PDZRN4: variants seen among roughly 807,000 people sequenced by gnomAD.
PDZRN4 encodes PDZ domain-containing RING finger protein 4.
In PDZRN4, 70 loss-of-function variants were observed where a neutral mutation model predicts 99.0. That is an observed-to-expected ratio of 0.71 (90% CI 0.58 to 0.86). The LOEUF is 0.86. PDZRN4 is among the 40% of genes least tolerant of loss of function. PDZRN4 has a pLI of 0.00. For missense variants in PDZRN4, 1,474 were observed against 1,331.2 expected (o/e 1.11, Z -1.67); for synonymous variants, 551 against 501.6 (o/e 1.10, Z -1.32).
At chr12:41,422,736 G>A (rs1005541209) in intron 3 of PDZRN4, among the ~76,000 whole-genome samples, 1 of 152,030 alleles carries the variant, frequency 6.6e-6, no homozygotes, top group South Asian at 2.1e-4. Flanking sequence ...CGACATGTGG[G>A]GATTGTAATT....
At chr12:41,195,139 T>G (rs1950762951) in intron 3 of PDZRN4, among the ~76,000 whole-genome samples, 1 of 152,228 alleles carries the variant, frequency 6.6e-6, no homozygotes, top group Non-Finnish European at 1.5e-5. Flanking sequence ...TAATGAAATT[T>G]TATGTCCCTG....
chr12:41,252,332 C>T (rs1951176358), intron 3 of PDZRN4, among the ~76,000 whole-genome samples: 1 of 152,092 alleles, frequency 6.6e-6, no homozygotes, highest in Admixed American at 6.5e-5. Context: ...GGTAAATGTT[C>T]ATACAATGAA....
At chr12:41,407,936 T>C (rs1434527380) in intron 3 of PDZRN4, among the ~76,000 whole-genome samples, 7 of 152,236 alleles carry the variant, frequency 4.6e-5, no homozygotes, top group Non-Finnish European at 1.0e-4. Context: ...TACCTGGATG[T>C]TATGTACAGA....
At chr12:41,520,501 C>T (rs1299918554) in intron 5 of PDZRN4, among the ~76,000 whole-genome samples, 41 of 152,070 alleles carry the variant, frequency 2.7e-4, no homozygotes, top group Admixed American at 2.7e-3. Flanking sequence ...ATATACCTCT[C>T]ACTTTTTCAG....
At position 41,490,151 on chromosome 12, in the gene PDZRN4, T is replaced by G. The variant is rs180680305; in HGVS notation, c.844-16305T>G. The stretch of plus-strand genomic sequence containing the variant: ...GTGAGCAGTGAAATAAATATTGGAG[T>G]GATAATTAACATATAAATTGCCAGA... On this transcript the variant is annotated intron_variant, in intron 3 of 9. Coordinates refer to ENST00000402685, the MANE Select transcript of PDZRN4 (RefSeq NM_001164595.2). Among the ~76,000 whole-genome samples, 187 of 152,230 alleles carry G rather than the reference T, an allele frequency of 1.2e-3. 2 individuals are homozygous for G. Among genetic ancestry groups the G allele is most frequent in the Admixed American group, 0.012 (185 of 15,274 alleles).
intron 3 of PDZRN4, among the ~76,000 whole-genome samples, chr12:41,455,962 C>G (rs1042123551): frequency 6.6e-6 from 1 of 152,192 alleles, no homozygotes; most frequent in African/African-American, 2.4e-5. Flanking sequence ...ATCCAAGTTG[C>G]CAAATTCTAA....
chr12:41,406,999 C>T (rs1251412642), intron 3 of PDZRN4, among the ~76,000 whole-genome samples: 2 of 152,030 alleles, frequency 1.3e-5, no homozygotes, highest in Non-Finnish European at 2.9e-5. Context: ...AGAAATGCTA[C>T]AACCTTTAGG....
chr12:41,225,053 A>C (rs1950983797), intron 3 of PDZRN4, among the ~76,000 whole-genome samples: 2 of 152,192 alleles, frequency 1.3e-5, no homozygotes, highest in Non-Finnish European at 2.9e-5. Context: ...TGATCATTAT[A>C]ACTATATACA....
chr12:41,343,229 C>G (rs1609058), intron 3 of PDZRN4, among the ~76,000 whole-genome samples: 54,499 of 151,492 alleles, frequency 0.36, 9,893 homozygotes, highest in South Asian at 0.41. Context: ...CTGGTTTGTG[C>G]ACATAAAGAT....
At chr12:41,445,512 T>A (rs1952718168) in intron 3 of PDZRN4, among the ~76,000 whole-genome samples, 1 of 152,132 alleles carries the variant, frequency 6.6e-6, no homozygotes, top group South Asian at 2.1e-4. Context: ...TTTATATAAG[T>A]AGATTTTCAT....
chr12:41,563,627 T>C lies in PDZRN4; in HGVS notation c.1445T>C (p.Leu482Pro). Reference protein sequence around the residue: ...SNDECKRIVLLVARPEIQLDE... With the variant: ...SNDECKRIVLPVARPEIQLDE... ...GATGAGTGTAAGAGAATCGTGCTGC[T>C]TGTTGCAAGGCCAGAGATTCAGGTC... The change falls in exon 8 of 10, where the codon CTT becomes CCT. Residue 482 changes from leucine to proline, a missense_variant. Coordinates refer to ENST00000402685, the MANE Select transcript of PDZRN4 (RefSeq NM_001164595.2). 1 of 1,613,172 alleles carries C rather than the reference T, an allele frequency of 6.2e-7. No homozygotes were observed. Among genetic ancestry groups the C allele is most frequent in the Non-Finnish European group, 8.5e-7 (1 of 1,179,316 alleles).
At chr12:41,533,687 C>A (rs189035371) in intron 5 of PDZRN4, among the ~76,000 whole-genome samples, 2 of 152,084 alleles carry the variant, frequency 1.3e-5, no homozygotes, top group East Asian at 3.8e-4. Context: ...GTGTTTCCTA[C>A]GCATTTTTTG....
chr12:41,297,584 A>G (rs1438657143), intron 3 of PDZRN4, among the ~76,000 whole-genome samples: 1 of 152,184 alleles, frequency 6.6e-6, no homozygotes, highest in Non-Finnish European at 1.5e-5. Flanking sequence ...TGGCTGGCCT[A>G]AAAGGTGCTA....
At chr12:41,293,451 T>C (rs1951469961) in intron 3 of PDZRN4, among the ~76,000 whole-genome samples, 2 of 151,632 alleles carry the variant, frequency 1.3e-5, no homozygotes, top group Admixed American at 6.6e-5. Context: ...CTGTCAAGAG[T>C]CATCACCTAA....
chr12:41,555,699 T>C lies in PDZRN4; in HGVS notation c.1304T>C (p.Val435Ala), dbSNP rs778830685. 29 of 1,613,534 alleles carry C rather than the reference T, an allele frequency of 1.8e-5. No homozygotes were observed. In the South Asian group the frequency reaches 2.2e-4, roughly 12 times the overall value. The change falls in exon 7 of 10, where the codon GTT becomes GCT. Residue 435 changes from valine (V) to alanine (A), a missense_variant and splice_region_variant. Coordinates refer to ENST00000402685, the MANE Select transcript of PDZRN4 (RefSeq NM_001164595.2). ...AGATGTATGTCCTCTTCATTACAGG[T>C]TGACCCAAATAGCATTGCTGCCAAA... ...EEDTGIYVSEVDPNSIAAKDG... is the reference protein window; with the variant it reads ...EEDTGIYVSEADPNSIAAKDG...
At chr12:41,348,797 A>G (rs1262238656) in intron 3 of PDZRN4, among the ~76,000 whole-genome samples, 1 of 152,040 alleles carries the variant, frequency 6.6e-6, no homozygotes, top group Non-Finnish European at 1.5e-5. Flanking sequence ...GGATATTGAC[A>G]GAGAAGCTAC....
At chr12:41,270,538 G>A (rs951175737) in intron 3 of PDZRN4, among the ~76,000 whole-genome samples, 2 of 151,960 alleles carry the variant, frequency 1.3e-5, no homozygotes, top group Non-Finnish European at 2.9e-5. Context: ...ATAGAACTTT[G>A]GCTTTCTCAA....
intron 3 of PDZRN4, among the ~76,000 whole-genome samples, chr12:41,201,111 G>GT (rs1266306595): frequency 1.3e-5 from 2 of 149,656 alleles, no homozygotes; most frequent in African/African-American, 2.5e-5. Flanking sequence ...TTAAACCCAG[G>GT]TTTTTTTTCA....
intron 5 of PDZRN4, among the ~76,000 whole-genome samples, chr12:41,511,899 A>G (rs1009368988): frequency 2.6e-5 from 4 of 152,114 alleles, no homozygotes; most frequent in African/African-American, 9.7e-5. Flanking sequence ...TGTTACACCT[A>G]GAAGCAGACT....
Sources: allele counts gnomAD v4.1 joint callset (sites outside exome capture counted in the v4.1 genomes callset), GRCh38; gene constraint gnomAD v4.1.1; transcripts MANE v1.5; gene names NCBI Gene and HGNC (gene_info 2026-07-23, HGNC 2026-07-21).